Variants in SPTB observed in about 807,000 individuals in gnomAD.
SPTB encodes spectrin beta chain, erythrocytic.
SPTB carries 45 observed loss-of-function variants against 256.2 expected under a neutral mutation model. The ratio of observed to expected loss-of-function variants is 0.18; its 90% confidence interval spans 0.14 to 0.23. The LOEUF is 0.23. SPTB is among the 10% of genes least tolerant of loss of function. The pLI, the probability that SPTB is intolerant of heterozygous loss-of-function variation, is 1.00. For missense variants in SPTB, 2,715 were observed against 3,040.4 expected, an observed-to-expected ratio of 0.89 and a Z score of 2.52; for synonymous variants, 1,231 against 1,243.1, an observed-to-expected ratio of 0.99 and a Z score of 0.21.
intron 2 of SPTB, among the ~76,000 whole-genome samples, chr14:64,808,519 T>C (rs1290297384): frequency 6.6e-6 from 1 of 152,106 alleles, no homozygotes; most frequent in Admixed American, 6.5e-5. Flanking sequence ...AACCCTCAAA[T>C]ATATCCAGTA....
At chr14:64,765,027 T>C (rs1433217332) in intron 32 of SPTB, among the ~76,000 whole-genome samples, 3 of 114,210 alleles carry the variant, frequency 2.6e-5, no homozygotes, top group Non-Finnish European at 5.2e-5. Flanking sequence ...AGTGTGTGCG[T>C]GTGTGTGTGT....
At chr14:64,797,645 A>T (rs1000405347) in intron 10 of SPTB, 84 bp downstream of exon 10, 4 of 1,126,346 alleles carry the variant, frequency 3.6e-6, no homozygotes, top group Non-Finnish European at 5.4e-6. Flanking sequence ...GCTTGGTTTA[A>T]TCTGGTCCAA....
At position 64,792,066 on chromosome 14, in the gene SPTB, G is replaced by A. The variant is rs1469011526; in HGVS notation, c.2667-210C>T. Among the ~76,000 whole-genome samples the A allele has an allele frequency of 6.6e-6, 1 of 152,164 alleles. No individual in the cohort carries two copies. Among genetic ancestry groups the A allele is most frequent in the East Asian group, 1.9e-4 (1 of 5,198 alleles). On this transcript the variant is annotated intron_variant, in intron 14 of 35. Coordinates refer to ENST00000644917, the MANE Select transcript of SPTB (RefSeq NM_001355436.2). This position sits in a 1 kb window ranked among gnomAD's most constrained non-coding sequence, Gnocchi z 4.2. ...TGATTTCATGAGTTAGCATTGCCTG[G>A]AACAGGCCGGGAGAGAGCCAGTTAC...
At position 64,784,326 on chromosome 14, in the gene SPTB, A is replaced by G. The variant is rs1174904742; in HGVS notation, c.3923T>C (p.Leu1308Pro). Reference protein sequence around the residue: ...QDVSYDEARNLHNKWLKHQAF... With the variant: ...QDVSYDEARNPHNKWLKHQAF... Reference sequence around the variant, plus strand: ...CTGGTGCTTTAGCCATTTATTGTGAAGGTTTCGTGCTTCATCATAGGAGAC... The same window carrying G: ...CTGGTGCTTTAGCCATTTATTGTGAGGGTTTCGTGCTTCATCATAGGAGAC... The change falls in exon 19 of 36, where the codon CTT becomes CCT. Residue 1308 changes from leucine to proline, a missense_variant. This residue lies in a region of SPTB where 2,239 missense variants were observed against 2,384.4 expected (regional missense o/e 0.94). Coordinates refer to ENST00000644917, the MANE Select transcript of SPTB (RefSeq NM_001355436.2). 1 of 1,614,224 alleles carries G rather than the reference A, an allele frequency of 6.2e-7. No homozygotes were observed. The highest frequency in any genetic ancestry group is 1.1e-5 in the South Asian group (1 of 91,086).
chr14:64,776,561 C>T lies in SPTB; in HGVS notation c.4564-1158G>A, dbSNP rs146581090. On this transcript the variant is annotated intron_variant, in intron 22 of 35. Transcript: ENST00000644917. ...GCTCAGATGATTCTCCCACCTCAGC[C>T]TCCCAAGTAGCTTGGACTACAGGTA... is the stretch of plus-strand genomic sequence containing the variant. Among the ~76,000 whole-genome samples the T allele has an allele frequency of 1.4e-3, 206 of 152,272 alleles. 1 individual carries two copies. The East Asian group carries it at 0.014, about 10-fold the overall frequency.
At chr14:64,828,574 T>C (rs1409966699) in intron 1 of SPTB, among the ~76,000 whole-genome samples, 1 of 152,218 alleles carries the variant, frequency 6.6e-6, no homozygotes, top group African/African-American at 2.4e-5. Flanking sequence ...CACAATTACT[T>C]TTGTAGCAAC....
chr14:64,835,544 C>A (rs561585200), intron 1 of SPTB, among the ~76,000 whole-genome samples: 1 of 152,332 alleles, frequency 6.6e-6, no homozygotes, highest in East Asian at 1.9e-4. Context: ...CCTCACCCAG[C>A]CCAGAGTCAG....
chr14:64,784,035 G>C (rs1014062755), intron 19 of SPTB, among the ~76,000 whole-genome samples: 4 of 152,212 alleles, frequency 2.6e-5, no homozygotes, highest in Admixed American at 6.5e-5. Flanking sequence ...CCAGATTCAG[G>C]TGACCCAGAA....
rs558423842 is a variant in SPTB, at chr14:64,758,314, C to T, written c.6346-4521G>A. 9.8e-5 allele frequency among the ~76,000 whole-genome samples: 15 copies of T among 152,368 alleles called. 1 individual carries two copies. In the South Asian group the frequency reaches 3.1e-3, roughly 32 times the overall value. ...CCACTGGCAGGCAAGGCCTCAGCCC[C>T]TCCTTTCTCGGCCAGTTTCAGTTGG... On this transcript the variant is annotated intron_variant, in intron 32 of 35. Coordinates refer to ENST00000644917, the MANE Select transcript of SPTB (RefSeq NM_001355436.2). This position sits in a 1 kb window ranked among gnomAD's most constrained non-coding sequence, Gnocchi z 4.6.
intron 1 of SPTB, among the ~76,000 whole-genome samples, chr14:64,876,409 C>G (rs988588358): frequency 1.3e-5 from 2 of 152,106 alleles, no homozygotes; most frequent in Non-Finnish European, 2.9e-5. Flanking sequence ...TTTAAATCTC[C>G]CACTGGTCAT....
rs1453708701 is a variant in SPTB, at chr14:64,796,515, G to A, written c.1341+42C>T. The A allele has an allele frequency of 1.9e-6, 3 of 1,613,490 alleles. No homozygotes were observed. Among genetic ancestry groups the A allele is most frequent in the African/African-American group, 1.3e-5 (1 of 74,918 alleles). On this transcript the variant is annotated intron_variant, in intron 11 of 35. Coordinates refer to ENST00000644917, the MANE Select transcript of SPTB (RefSeq NM_001355436.2). The surrounding 1 kb of genome is among the most constrained non-coding windows in gnomAD (Gnocchi z 4.1). Reference sequence around the variant, plus strand: ...CCAGCCAAGAGCTGGGGGCTCTGAAGAATGTCCCCTCTCCTGTCACCCAAA... The same window carrying A: ...CCAGCCAAGAGCTGGGGGCTCTGAAAAATGTCCCCTCTCCTGTCACCCAAA...
In SPTB at chr14:64,777,149, CCA is replaced by C. The variant is rs371746220; in HGVS notation, c.4564-1748_4564-1747del. ...GACATGAATGACGGGAGGGAGGCAACCACACAGAGATCTGGGGTTGAGTGTTC... is the reference window on the plus strand; with the variant it reads ...GACATGAATGACGGGAGGGAGGCAACCACAGAGATCTGGGGTTGAGTGTTC... On this transcript the variant is annotated intron_variant, in intron 22 of 35. Transcript: ENST00000644917. This position sits in a 1 kb window ranked among gnomAD's most constrained non-coding sequence, Gnocchi z 4.5. Among the ~76,000 whole-genome samples the C allele has an allele frequency of 3.1e-3, 470 of 152,228 alleles. 1 individual carries two copies. Among genetic ancestry groups the C allele is most frequent in the African/African-American group, 0.011 (450 of 41,522 alleles).
At chr14:64,767,611 T>G in intron 30 of SPTB, 52 bp downstream of exon 30, 2 of 1,606,342 alleles carry the variant, frequency 1.2e-6, no homozygotes, top group Non-Finnish European at 1.7e-6. Context: ...ATGAGACCCC[T>G]GGGGGCACAG....
rs1453855534 is a variant in SPTB, at chr14:64,775,612, T to A, written c.4564-209A>T. Among the ~76,000 whole-genome samples, 1 of 152,234 alleles carries A rather than the reference T, an allele frequency of 6.6e-6. No homozygotes were observed. Among genetic ancestry groups the A allele is most frequent in the African/African-American group, 2.4e-5 (1 of 41,466 alleles). On this transcript the variant is annotated intron_variant, in intron 22 of 35. Transcript: ENST00000644917. The surrounding 1 kb of genome is among the most constrained non-coding windows in gnomAD (Gnocchi z 5.0). The stretch of plus-strand genomic sequence containing the variant: ...ATTCTTGCACCCTCAGGTGGCCTGC[T>A]GAGATAAGCATGTGGAGACCAGCAT...
At chr14:64,801,170 A>G in intron 7 of SPTB, 115 bp downstream of exon 7, 2 of 866,440 alleles carry the variant, frequency 2.3e-6, no homozygotes, top group Non-Finnish European at 3.7e-6. Flanking sequence ...CTGTGCCCAC[A>G]GCTTGCCCAG....
rs564951922 is a variant in SPTB, at chr14:64,791,762, G to A, written c.2761C>T (p.Arg921Cys). 1.4e-5 allele frequency: 22 copies of A among 1,614,042 alleles called. No individual in the cohort carries two copies. The highest frequency in any genetic ancestry group is 8.8e-5 in the South Asian group (8 of 91,062). The change falls in exon 15 of 36, where the codon CGC becomes TGC. Residue 921 changes from arginine to cysteine, a missense_variant. Around this residue, in one of 4 missense-constraint regions of SPTB, gnomAD observed 2,239 missense variants for 2,384.4 expected, o/e 0.94. Transcript: ENST00000644917. ...TGGTACTGCTTCACCTCCCTGCTGCGTGGGTGGCCACTCTCTACCAAGCTG... is the reference window on the plus strand; with the variant it reads ...TGGTACTGCTTCACCTCCCTGCTGCATGGGTGGCCACTCTCTACCAAGCTG... ...ANSLVESGHP[R>C]SREVKQYQDH...
intron 1 of SPTB, among the ~76,000 whole-genome samples, chr14:64,857,095 C>A (rs374461): frequency 2.0e-5 from 3 of 152,146 alleles, no homozygotes; most frequent in South Asian, 2.1e-4. Context: ...GTATGAAACC[C>A]CAAAATGCAG....
At position 64,782,381 on chromosome 14, in the gene SPTB, T is replaced by C. The variant is rs764068701; in HGVS notation, c.4175A>G (p.Asn1392Ser). 5.6e-6 allele frequency: 9 copies of C among 1,614,166 alleles called. No individual in the cohort carries two copies. The Admixed American group carries it at 6.7e-5, about 12-fold the overall frequency. The change falls in exon 20 of 36, where the codon AAC (asparagine) becomes AGC (serine). Residue 1392 changes from asparagine to serine, a missense_variant. This residue lies in a region of SPTB where 2,239 missense variants were observed against 2,384.4 expected (regional missense o/e 0.94). Coordinates refer to ENST00000644917, the MANE Select transcript of SPTB (RefSeq NM_001355436.2). ...DLRLQTHADL[N>S]KWISAMEDQL... ...GTCCTCCATGGCGCTGATCCACTTG[T>C]TGAGGTCAGCATGGGTCTGCAAGCG...
intron 4 of SPTB, 88 bp downstream of exon 4, chr14:64,803,519 C>A (rs2082927204): frequency 1.3e-6 from 2 of 1,535,994 alleles, no homozygotes; most frequent in African/African-American, 1.4e-5. Context: ...GCACTAACAC[C>A]CACACTCTGT....
Sources: allele counts gnomAD v4.1 joint callset (sites outside exome capture counted in the v4.1 genomes callset), GRCh38; gene constraint gnomAD v4.1.1; regional missense constraint gnomAD v4.1.1; non-coding constraint Gnocchi (gnomAD v3.1); transcripts MANE v1.5; gene names NCBI Gene and HGNC (gene_info 2026-07-23, HGNC 2026-07-21).